The following ADGRV1 variants were observed in gnomAD, a reference collection of about 807,000 sequenced individuals.
ADGRV1 encodes the protein adhesion G protein-coupled receptor V1, also known as G-protein coupled receptor 98.
A neutral mutation model predicts 596.2 loss-of-function variants in ADGRV1; 359 were observed. That is an observed-to-expected ratio of 0.60 (90% CI 0.55 to 0.66). The LOEUF (loss-of-function observed/expected upper bound fraction) is 0.66. Ranked by LOEUF, ADGRV1 falls within the 30% of genes least tolerant of loss-of-function variation. ADGRV1 has a pLI of 0.00. For synonymous variants in ADGRV1, 2,681 were observed against 2,679.2 expected, an observed-to-expected ratio of 1.00 and a Z score of -0.02; for missense variants, 7,274 against 7,575.6, an observed-to-expected ratio of 0.96 and a Z score of 1.48.
chr5:90,637,638 T>G (rs550532244), intron 10 of ADGRV1, 87 bp from the exon 11 acceptor site: 337 of 888,656 alleles, frequency 3.8e-4, no homozygotes, highest in South Asian at 6.7e-4. Flanking sequence ...CAGTAATATA[T>G]GTACAAACTA....
intron 75 of ADGRV1, among the ~76,000 whole-genome samples, chr5:90,821,523 T>C (rs1763503830): frequency 6.6e-6 from 1 of 151,230 alleles, no homozygotes; most frequent in African/African-American, 2.4e-5. Flanking sequence ...TTTTCTGTTC[T>C]GTTTTTTCCC....
chr5:90,685,372 C>T (rs954850743), intron 28 of ADGRV1, among the ~76,000 whole-genome samples: 3 of 152,014 alleles, frequency 2.0e-5, no homozygotes, highest in Admixed American at 6.6e-5. Context: ...TGCCTGAGCT[C>T]AGGAGTTCAA....
Position 90,619,071 on chromosome 5 carries a change from G to T in ADGRV1, c.358-15G>T. On this transcript the variant is annotated splice_polypyrimidine_tract_variant and intron_variant, in intron 3 of 89. Transcript: ENST00000405460. ...ATTTTTAATTCATTATTTTATTTTTGGGATTTTATTTTAGAAACCTTCAGC... is the reference window on the plus strand; with the variant it reads ...ATTTTTAATTCATTATTTTATTTTTTGGATTTTATTTTAGAAACCTTCAGC... 8.3e-7 allele frequency: 1 copy of T among 1,205,228 alleles called. No individual in the cohort carries two copies. The highest frequency in any genetic ancestry group is 1.1e-6 in the Non-Finnish European group (1 of 885,746). The allele number at this position is 1,205,228 out of a possible 1,614,324, so 74.7% of individuals were successfully genotyped here.
At chr5:90,628,107 G>T (rs1428865138) in intron 7 of ADGRV1, among the ~76,000 whole-genome samples, 3 of 151,470 alleles carry the variant, frequency 2.0e-5, no homozygotes, top group Admixed American at 6.6e-5. Flanking sequence ...ACTTTTTTCC[G>T]CCAGGCATGG....
intron 85 of ADGRV1, chr5:91,031,069 A>C (rs1345156728): frequency 1.4e-6 from 2 of 1,481,468 alleles, no homozygotes; most frequent in African/African-American, 2.8e-5. Context: ...TGCCAATCAT[A>C]TAGGGATGAT....
intron 86 of ADGRV1, among the ~76,000 whole-genome samples, chr5:91,085,263 T>C (rs1028304746): frequency 6.6e-6 from 1 of 152,112 alleles, no homozygotes; most frequent in East Asian, 1.9e-4. Flanking sequence ...CACATATATA[T>C]AGAAAAAAGG....
chr5:90,888,467 G>A (rs925612491), intron 83 of ADGRV1, among the ~76,000 whole-genome samples: 13 of 152,024 alleles, frequency 8.6e-5, no homozygotes, highest in African/African-American at 3.1e-4. Flanking sequence ...CTTCTGGCTG[G>A]CAAAAGTGCT....
chr5:90,561,702 A>G (rs893265875), intron 1 of ADGRV1, among the ~76,000 whole-genome samples: 2 of 152,242 alleles, frequency 1.3e-5, no homozygotes, highest in African/African-American at 4.8e-5. Context: ...AAATCTACAC[A>G]GTGGAAGCAC....
intron 87 of ADGRV1, among the ~76,000 whole-genome samples, chr5:91,113,264 C>A (rs2950852): frequency 0.12 from 18,807 of 151,996 alleles, 1,326 homozygotes; most frequent in African/African-American, 0.2. Flanking sequence ...GTGGGGACTG[C>A]AAAAGAACTG....
In ADGRV1 at chr5:90,608,222, G is replaced by A. The variant is rs149248696; in HGVS notation, c.23-6613G>A. On this transcript the variant is annotated intron_variant, in intron 1 of 89. Coordinates refer to ENST00000405460, the MANE Select transcript of ADGRV1 (RefSeq NM_032119.4). The stretch of plus-strand genomic sequence containing the variant: ...GTGTGAAATAATAGGAGTTCTAGGA[G>A]AGAGATCAGTGAAAATGGAGTGGGG... 4.1e-3 allele frequency among the ~76,000 whole-genome samples: 629 copies of A among 152,188 alleles called. 8 individuals carry two copies. Among genetic ancestry groups the A allele is most frequent in the Middle Eastern group, 3.4e-3 (1 of 294 alleles).
At chr5:90,852,257 C>G (rs1766605131) in intron 79 of ADGRV1, among the ~76,000 whole-genome samples, 1 of 152,008 alleles carries the variant, frequency 6.6e-6, no homozygotes, top group East Asian at 1.9e-4. Context: ...AAAAGTTGGC[C>G]CTTACTCTTT....
At chr5:91,014,498 C>T (rs1028708499) in intron 85 of ADGRV1, among the ~76,000 whole-genome samples, 5 of 151,884 alleles carry the variant, frequency 3.3e-5, no homozygotes, top group African/African-American at 4.8e-5. Flanking sequence ...GTAAATCCAT[C>T]AGGTCCTGGG....
At chr5:91,115,189 G>T (rs930826749) in intron 87 of ADGRV1, among the ~76,000 whole-genome samples, 2 of 151,994 alleles carry the variant, frequency 1.3e-5, no homozygotes, top group African/African-American at 4.8e-5. Flanking sequence ...TTTTGTTATT[G>T]TGTAAGTGTG....
At chr5:90,654,392 G>A (rs1238185105) in intron 20 of ADGRV1, 10 of 195,380 alleles carry the variant, frequency 5.1e-5, no homozygotes, top group Non-Finnish European at 3.2e-5. Context: ...GAGGGTGGTG[G>A]GCGTGAGGTT....
intron 85 of ADGRV1, among the ~76,000 whole-genome samples, chr5:91,062,953 CTTTTTTTTTTT>C (rs70973726): frequency 1.2e-4 from 10 of 80,846 alleles, no homozygotes; most frequent in Non-Finnish European, 2.0e-4. Context: ...GTTTCTCAAA[CTTTTTTTTTTT>C]TTTTTTTTTT....
intron 84 of ADGRV1, among the ~76,000 whole-genome samples, chr5:90,972,293 T>C (rs948066188): frequency 3.2e-4 from 49 of 152,158 alleles, no homozygotes; most frequent in African/African-American, 1.1e-3. Context: ...GACAGATCAA[T>C]GAGACAGAAA....
chr5:90,847,353 A>G (rs1490912076), intron 78 of ADGRV1, among the ~76,000 whole-genome samples: 3 of 152,340 alleles, frequency 2.0e-5, no homozygotes, highest in Non-Finnish European at 4.4e-5. Context: ...TGTGTTTATA[A>G]ACCTTGAGCT....
intron 82 of ADGRV1, among the ~76,000 whole-genome samples, chr5:90,858,162 C>A (rs918014789): frequency 2.0e-5 from 3 of 152,166 alleles, no homozygotes; most frequent in African/African-American, 4.8e-5. Flanking sequence ...AAACTAAGAT[C>A]ATTCCTTGAG....
At chr5:91,057,217 G>T (rs1293933098) in intron 85 of ADGRV1, among the ~76,000 whole-genome samples, 1 of 152,100 alleles carries the variant, frequency 6.6e-6, no homozygotes, top group Non-Finnish European at 1.5e-5. Context: ...TCACACTTTT[G>T]AATTTTCAGT....
Sources: gnomAD v4.1 joint callset for allele counts (sites outside exome capture counted in the v4.1 genomes callset) on GRCh38, gnomAD v4.1.1 for gene constraint, MANE v1.5 for transcripts, NCBI Gene and HGNC (gene_info 2026-07-23, HGNC 2026-07-21) for gene names.